The following MINDY2 variants were observed in gnomAD, a reference collection of about 807,000 sequenced individuals.
MINDY2 encodes the protein MINDY lysine 48 deubiquitinase 2.
In MINDY2, 52 loss-of-function variants were observed where a neutral mutation model predicts 68.2. The ratio of observed to expected loss-of-function variants is 0.76; its 90% CI spans 0.61 to 0.96. The LOEUF is 0.96. Among genes scored for constraint, MINDY2 ranks in the 40% least tolerant of loss-of-function variants. The pLI is 0.00. For missense variants in MINDY2, 881 were observed against 773.4 expected (o/e 1.14, Z -1.65); for synonymous variants, 372 against 303.0 (o/e 1.23, Z -2.36).
chr15:58,824,903 C>T lies in MINDY2; in HGVS notation c.1225+3084C>T, dbSNP rs545379334. 2.0e-3 allele frequency among the ~76,000 whole-genome samples: 309 copies of T among 152,218 alleles called. 2 individuals carry two copies. Among genetic ancestry groups the T allele is most frequent in the African/African-American group, 7.0e-3 (290 of 41,538 alleles). ...CAGGCTGGTCTCAAACTCCTGACCT[C>T]AGGTGATCCGCCAGCCTCAACCTCC... On this transcript the variant is annotated intron_variant, in intron 5 of 8. Coordinates refer to ENST00000559228, the MANE Select transcript of MINDY2 (RefSeq NM_001040450.3).
At chr15:58,793,542 G>A (rs1489454066) in intron 2 of MINDY2, among the ~76,000 whole-genome samples, 2 of 152,064 alleles carry the variant, frequency 1.3e-5, no homozygotes, top group Non-Finnish European at 2.9e-5. Flanking sequence ...AAAAATAATT[G>A]AATTGTACAT....
chr15:58,784,645 G>T lies in MINDY2; in HGVS notation c.841-3261G>T, dbSNP rs1334025516. ...CTTTTTTTTTTTTTTTTTGAGATCGGATCTCTCTCTGTTGCCCAGGCTGGA... is the reference window on the plus strand; with the variant it reads ...CTTTTTTTTTTTTTTTTTGAGATCGTATCTCTCTCTGTTGCCCAGGCTGGA... On this transcript the variant is annotated intron_variant, in intron 1 of 8. Coordinates refer to ENST00000559228, the MANE Select transcript of MINDY2 (RefSeq NM_001040450.3). Among the ~76,000 whole-genome samples the T allele has an allele frequency of 5.1e-5, 7 of 137,468 alleles. No individual in the cohort carries two copies. The East Asian group carries it at 8.3e-4, about 16-fold the overall frequency. The allele number at this position is 137,468 out of a possible 152,430, so 90.2% of individuals were successfully genotyped here. A position where few individuals can be genotyped will look rare whatever the true frequency, so the allele number is the denominator to read the frequency against.
In MINDY2 at chr15:58,859,066, A is replaced by G. The variant is rs187500295; in HGVS notation, c.*4456A>G. On this transcript the variant is annotated 3_prime_UTR_variant, in exon 9 of 9. Coordinates refer to ENST00000559228, the MANE Select transcript of MINDY2 (RefSeq NM_001040450.3). ...TGAATGTGCACACTTTTTTCTCAAT[A>G]ACAAAATATATCTTAAGTCAGTTTT... The G allele has an allele frequency of 6.6e-6, 1 of 152,222 alleles. No individual in the cohort carries two copies. The highest frequency in any genetic ancestry group is 1.5e-5 in the Non-Finnish European group (1 of 67,948). The allele number at this position is 152,222 out of a possible 1,614,324, so 9.4% of individuals were successfully genotyped here. A position where few individuals can be genotyped will look rare whatever the true frequency, so the allele number is the denominator to read the frequency against.
intron 3 of MINDY2, among the ~76,000 whole-genome samples, chr15:58,806,159 C>T (rs1332360370): frequency 2.0e-5 from 3 of 152,080 alleles, no homozygotes; most frequent in Non-Finnish European, 4.4e-5. Flanking sequence ...GTACAACTTC[C>T]GCCTTTCAGG....
chr15:58,774,400 C>A (rs763803050), intron 1 of MINDY2, among the ~76,000 whole-genome samples: 40 of 149,982 alleles, frequency 2.7e-4, no homozygotes, highest in Non-Finnish European at 5.2e-4. Context: ...AGGAGAATCT[C>A]TTGAACCCAG....
At chr15:58,830,539 C>G (rs1412542635) in intron 5 of MINDY2, among the ~76,000 whole-genome samples, 1 of 152,138 alleles carries the variant, frequency 6.6e-6, no homozygotes, top group Non-Finnish European at 1.5e-5. Context: ...AGAATCCACA[C>G]CCAAAACCCT....
chr15:58,832,004 G>T (rs2141021373), intron 6 of MINDY2, 88 bp downstream of exon 6: 4 of 1,170,558 alleles, frequency 3.4e-6, no homozygotes, highest in Non-Finnish European at 4.6e-6. Context: ...ATAAATAAAA[G>T]ATTTTAGCGT....
chr15:58,779,940 C>T lies in MINDY2; in HGVS notation c.840+7705C>T, dbSNP rs146789752. On this transcript the variant is annotated intron_variant, in intron 1 of 8. Coordinates refer to ENST00000559228, the MANE Select transcript of MINDY2 (RefSeq NM_001040450.3). ...AGTCCCAGGTGAAGGACATTTGGGC[C>T]CAGGTGGTACTAGCAATCATAGGGG... 3.1e-3 allele frequency among the ~76,000 whole-genome samples: 478 copies of T among 152,156 alleles called. 2 individuals carry two copies. Among genetic ancestry groups the T allele is most frequent in the African/African-American group, 0.011 (453 of 41,494 alleles).
intron 7 of MINDY2, among the ~76,000 whole-genome samples, chr15:58,850,193 T>G (rs931571862): frequency 6.6e-6 from 1 of 152,218 alleles, no homozygotes; most frequent in African/African-American, 2.4e-5. Flanking sequence ...ATGCACTGTT[T>G]CTGATAGAAA....
chr15:58,815,893 T>G (rs2030654658), intron 4 of MINDY2, among the ~76,000 whole-genome samples: 1 of 151,780 alleles, frequency 6.6e-6, no homozygotes, highest in African/African-American at 2.4e-5. Flanking sequence ...TTGGTCAGGA[T>G]GGTCTCGATC....
At chr15:58,834,486 A>G (rs1304187315) in intron 6 of MINDY2, among the ~76,000 whole-genome samples, 1 of 152,196 alleles carries the variant, frequency 6.6e-6, no homozygotes, top group Non-Finnish European at 1.5e-5. Flanking sequence ...TAAAACTGCC[A>G]ATCCTCAGAA....
Position 58,778,016 on chromosome 15 carries a change from A to G in MINDY2, c.840+5781A>G, listed in dbSNP as rs544207972. Among the ~76,000 whole-genome samples the G allele has an allele frequency of 6.1e-3, 934 of 152,298 alleles. 16 individuals are homozygous for G. Among genetic ancestry groups the G allele is most frequent in the African/African-American group, 0.022 (904 of 41,568 alleles). On this transcript the variant is annotated intron_variant, in intron 1 of 8. Coordinates refer to ENST00000559228, the MANE Select transcript of MINDY2 (RefSeq NM_001040450.3). ...TAGGTTTATTTGAGGGCTGTGACCC[A>G]TGTAATTAGGTGTTTATGAAGTTAA... is the stretch of plus-strand genomic sequence containing the variant.
In MINDY2 at chr15:58,856,293, AGACCACAAAAATGTGTG is replaced by A. The variant is rs2140883059; in HGVS notation, c.*1685_*1701del. 1 of 152,728 alleles carries A rather than the reference AGACCACAAAAATGTGTG, an allele frequency of 6.5e-6. No individual in the cohort carries two copies. Among genetic ancestry groups the A allele is most frequent in the African/African-American group, 2.4e-5 (1 of 41,550 alleles). The allele number at this position is 152,728 out of a possible 1,614,324, so 9.5% of individuals were successfully genotyped here. A position where few individuals can be genotyped will look rare whatever the true frequency, so the allele number is the denominator to read the frequency against. On this transcript the variant is annotated 3_prime_UTR_variant, in exon 9 of 9. Transcript: ENST00000559228. The stretch of plus-strand genomic sequence containing the variant: ...TTTGTGTGTGGTCTGGGGTGACAAA[AGACCACAAAAATGTGTG>A]GTCTGGATTTTTTCAACTATGTCAT...
intron 2 of MINDY2, among the ~76,000 whole-genome samples, chr15:58,791,752 C>A (rs1595714568): frequency 6.6e-6 from 1 of 151,284 alleles, no homozygotes; most frequent in Non-Finnish European, 1.5e-5. Flanking sequence ...CTACTGGCTA[C>A]TGTATTAGAC....
chr15:58,835,945 T>G (rs1425973863), intron 6 of MINDY2, among the ~76,000 whole-genome samples: 1 of 152,178 alleles, frequency 6.6e-6, no homozygotes, highest in African/African-American at 2.4e-5. Flanking sequence ...GGGGTCTTGC[T>G]GTCACCCAGG....
At chr15:58,851,627 G>A (rs1406121474) in intron 7 of MINDY2, 144 bp from the exon 8 acceptor site, 5 of 605,888 alleles carry the variant, frequency 8.3e-6, no homozygotes, top group African/African-American at 3.9e-5. Flanking sequence ...TTTTTGTAGA[G>A]ACAGGGTCTT....
chr15:58,841,532 A>G (rs985054733), intron 6 of MINDY2, among the ~76,000 whole-genome samples: 56 of 151,408 alleles, frequency 3.7e-4, no homozygotes, highest in Admixed American at 9.9e-4. Flanking sequence ...TAGCCCCCCA[A>G]GTAGCTGGGA....
At chr15:58,840,628 C>CTTATTATTATTA (rs71119408) in intron 6 of MINDY2, among the ~76,000 whole-genome samples, 1 of 139,266 alleles carries the variant, frequency 7.2e-6, no homozygotes, top group African/African-American at 2.7e-5. Context: ...TATTTATTTA[C>CTTATTATTATTA]TTATTATTAT....
rs2033176606 is a variant in MINDY2, at chr15:58,860,164, C to G, written c.*5554C>G. The G allele has an allele frequency of 6.6e-6, 1 of 152,140 alleles. No individual in the cohort carries two copies. Among genetic ancestry groups the G allele is most frequent in the Non-Finnish European group, 1.5e-5 (1 of 68,034 alleles). 9.4% of individuals were successfully genotyped at this position (152,140 alleles called of 1,614,324 possible). On this transcript the variant is annotated 3_prime_UTR_variant, in exon 9 of 9. Transcript: ENST00000559228. ...CAGTTTTAATCTGCACTGTAATATC[C>G]TGCTTTGAGAAGAAAGAATGCCTCA...
Sources: allele counts gnomAD v4.1 joint callset (sites outside exome capture counted in the v4.1 genomes callset), GRCh38; gene constraint gnomAD v4.1.1; transcripts MANE v1.5; gene names NCBI Gene and HGNC (gene_info 2026-07-23, HGNC 2026-07-21).